Variants in SCYL2 observed in about 807,000 individuals in gnomAD.
SCYL2 encodes SCY1 like pseudokinase 2.
Under a neutral mutation model 100.4 loss-of-function variants are expected in SCYL2, and 36 were observed. That is an observed-to-expected ratio of 0.36 (90% confidence interval 0.27 to 0.47). The LOEUF (loss-of-function observed/expected upper bound fraction) is 0.47, where lower values mean the gene tolerates loss of function less well. Among genes scored for constraint, SCYL2 ranks in the 20% least tolerant of loss-of-function variants. The probability of loss-of-function intolerance (pLI) is 1.00; values close to 1 mark genes in which losing one functional copy is unlikely to be tolerated. For missense variants in SCYL2, 902 were observed against 1,083.9 expected (o/e 0.83, Z 2.36); for synonymous variants, 330 against 359.2 (o/e 0.92, Z 0.92).
At chr12:100,298,638 C>T (rs2096323859) in intron 4 of SCYL2, among the ~76,000 whole-genome samples, 3 of 147,452 alleles carry the variant, frequency 2.0e-5, no homozygotes, top group Admixed American at 2.0e-4. Flanking sequence ...CAACCTCCAC[C>T]TCCCTGCAAC....
At chr12:100,294,397 T>C (rs1592940130) in intron 3 of SCYL2, among the ~76,000 whole-genome samples, 2 of 94,116 alleles carry the variant, frequency 2.1e-5, no homozygotes, top group African/African-American at 4.1e-5. Context: ...CCCCCCCACC[T>C]CCCTCCCGGA....
intron 1 of SCYL2, among the ~76,000 whole-genome samples, chr12:100,281,031 T>G (rs895555853): frequency 7.5e-6 from 1 of 133,742 alleles, no homozygotes; most frequent in Non-Finnish European, 1.6e-5. Context: ...TTTTTTTTTT[T>G]TTTTTTTTTT....
chr12:100,314,558 C>T lies in SCYL2; in HGVS notation c.1039C>T (p.Leu347Phe). The change falls in exon 8 of 18, where the codon CTT becomes TTT. Residue 347 changes from leucine (L) to phenylalanine (F), a missense_variant. Physicochemically the swap from Leu to Phe is conservative, Grantham distance 22. Coordinates refer to ENST00000360820, the MANE Select transcript of SCYL2 (RefSeq NM_017988.6). ...TGATACCTTATTCCAAAGAGATAAT[C>T]TTCAGAAATCACAGTTTTTCAAAGG... is the stretch of plus-strand genomic sequence containing the variant. ...YFDTLFQRDN[L>F]QKSQFFKGLP... 6.2e-7 allele frequency: 1 copy of T among 1,601,514 alleles called. No homozygotes were observed. Among genetic ancestry groups the T allele is most frequent in the Non-Finnish European group, 8.5e-7 (1 of 1,175,468 alleles).
intron 1 of SCYL2, among the ~76,000 whole-genome samples, chr12:100,274,655 G>A (rs2096290876): frequency 6.6e-6 from 1 of 152,140 alleles, no homozygotes; most frequent in Non-Finnish European, 1.5e-5. Flanking sequence ...TAGGAAAATG[G>A]CCTACAGTAA....
chr12:100,338,793 C>T lies in SCYL2; in HGVS notation c.2411C>T (p.Thr804Ile), dbSNP rs199920982. ...AGTAGTCCAAGCACAGTTGGAGTGA[C>T]CAAGATGACTCTGGGAACACCTCCC... is the stretch of plus-strand genomic sequence containing the variant. ...FYSSPSTVGVTKMTLGTPPTL... is the reference protein window; with the variant it reads ...FYSSPSTVGVIKMTLGTPPTL... Residue 804 changes from threonine (T) to isoleucine (I), a missense_variant, in exon 18 of 18, where the codon ACC becomes ATC. Transcript: ENST00000360820. 6.2e-7 allele frequency: 1 copy of T among 1,614,130 alleles called. No homozygotes were observed. Among genetic ancestry groups the T allele is most frequent in the East Asian group, 2.2e-5 (1 of 44,884 alleles).
rs1952341622 is a variant in SCYL2 at position 100,340,649 on chromosome 12, T to G, written c.*1477T>G. Reference sequence around the variant, plus strand: ...ACAGCACTTGATTACAAAATGTAATTTAATTATATTATTGCTGGCAGCATT... The same window carrying G: ...ACAGCACTTGATTACAAAATGTAATGTAATTATATTATTGCTGGCAGCATT... On this transcript the variant is annotated 3_prime_UTR_variant, in exon 18 of 18. Transcript: ENST00000360820. The G allele has an allele frequency of 6.6e-6, 1 of 152,068 alleles. No homozygotes were observed. The highest frequency in any genetic ancestry group is 1.5e-5 in the Non-Finnish European group (1 of 67,916). The allele number at this position is 152,068 out of a possible 1,614,324, so 9.4% of individuals were successfully genotyped here.
At chr12:100,336,561 C>A (rs1343523962) in intron 16 of SCYL2, among the ~76,000 whole-genome samples, 1 of 151,820 alleles carries the variant, frequency 6.6e-6, no homozygotes, top group Non-Finnish European at 1.5e-5. Flanking sequence ...GATGATGTAC[C>A]CTTCTTGGTT....
In SCYL2 at chr12:100,267,281, A is replaced by T; in HGVS notation, c.-540A>T. ...GCCGCGGGGGCGGCGGAGGATATGG[A>T]GTAAAGCCAGAGTCAGTGGCCAGGC... On this transcript the variant is annotated 5_prime_UTR_variant, in exon 1 of 18. Transcript: ENST00000360820. The T allele has an allele frequency of 1.8e-6, 1 of 564,098 alleles. No individual in the cohort carries two copies. The highest frequency in any genetic ancestry group is 3.1e-6 in the Non-Finnish European group (1 of 324,564). The allele number at this position is 564,098 out of a possible 1,614,324, so 34.9% of individuals were successfully genotyped here.
chr12:100,335,541 C>A, intron 14 of SCYL2, 84 bp from the exon 15 acceptor site: 2 of 966,818 alleles, frequency 2.1e-6, no homozygotes, highest in Non-Finnish European at 1.6e-6. Flanking sequence ...TAATAAATTC[C>A]ATGTGAATAA....
chr12:100,272,095 G>C (rs1223517972), intron 1 of SCYL2, among the ~76,000 whole-genome samples: 1 of 152,062 alleles, frequency 6.6e-6, no homozygotes, highest in African/African-American at 2.4e-5. Context: ...ATGGTAGAGA[G>C]ATACACAGTC....
In SCYL2 at chr12:100,312,425, A is replaced by G. The variant is rs1355674599; in HGVS notation, c.631-7A>G. 1 of 1,594,796 alleles carries G rather than the reference A, an allele frequency of 6.3e-7. No homozygotes were observed. Among genetic ancestry groups the G allele is most frequent in the East Asian group, 2.2e-5 (1 of 44,710 alleles). On this transcript the variant is annotated splice_polypyrimidine_tract_variant and splice_region_variant and intron_variant, in intron 5 of 17. Coordinates refer to ENST00000360820, the MANE Select transcript of SCYL2 (RefSeq NM_017988.6). ...AGTAACCCATGTAATTCCTTTTCTT[A>G]CTACAGCCTAAATTTCCTTGTAAAG...
rs2096296647 is a variant in SCYL2, at chr12:100,280,228, A to G, written c.-28-2715A>G. On this transcript the variant is annotated intron_variant, in intron 1 of 17. Transcript: ENST00000360820. ...TGTTCCTCCCTCATGGGCAGAAGTT[A>G]TTTATTCATTTATTTACTTAGAGTA... Among the ~76,000 whole-genome samples the G allele has an allele frequency of 3.3e-5, 5 of 152,262 alleles. No individual in the cohort carries two copies. In the South Asian group the frequency reaches 1.0e-3, roughly 32 times the overall value.
chr12:100,305,352 A>G (rs934247345), intron 4 of SCYL2, among the ~76,000 whole-genome samples: 1 of 152,200 alleles, frequency 6.6e-6, no homozygotes, highest in African/African-American at 2.4e-5. Flanking sequence ...TAAGAAACTC[A>G]CTCAAAACCA....
At chr12:100,280,478 A>C (rs973858634) in intron 1 of SCYL2, among the ~76,000 whole-genome samples, 1 of 152,168 alleles carries the variant, frequency 6.6e-6, no homozygotes. Flanking sequence ...TTCCCTGAAA[A>C]GTCTTCATGT....
At chr12:100,269,503 T>A (rs1248897979) in intron 1 of SCYL2, among the ~76,000 whole-genome samples, 1 of 152,162 alleles carries the variant, frequency 6.6e-6, no homozygotes, top group Non-Finnish European at 1.5e-5. Context: ...AAGTGCTGAA[T>A]GTTTATTAAA....
intron 12 of SCYL2, chr12:100,327,297 G>A: frequency 4.5e-6 from 1 of 223,662 alleles, no homozygotes. Flanking sequence ...TTGTGGCTAA[G>A]TGATATGCTG....
At chr12:100,305,685 C>G (rs1199592460) in intron 4 of SCYL2, among the ~76,000 whole-genome samples, 1 of 146,058 alleles carries the variant, frequency 6.8e-6, no homozygotes, top group Non-Finnish European at 1.5e-5. Flanking sequence ...ATGAAAAACC[C>G]TTAAAAATAA....
chr12:100,291,034 T>C (rs1429688895), intron 2 of SCYL2, among the ~76,000 whole-genome samples: 2 of 152,216 alleles, frequency 1.3e-5, no homozygotes, highest in Non-Finnish European at 2.9e-5. Context: ...AGGTATGAGA[T>C]AGAATATAGA....
At chr12:100,275,906 GT>G (rs929045253) in intron 1 of SCYL2, among the ~76,000 whole-genome samples, 5 of 117,622 alleles carry the variant, frequency 4.3e-5, no homozygotes, top group Admixed American at 8.8e-5. Flanking sequence ...AATTTTGTCA[GT>G]TTTTTTTCTG....
Sources: gnomAD v4.1 joint callset for allele counts (sites outside exome capture counted in the v4.1 genomes callset) on GRCh38, gnomAD v4.1.1 for gene constraint, MANE v1.5 for transcripts, NCBI Gene and HGNC (gene_info 2026-07-23, HGNC 2026-07-21) for gene names.